The following EIF4A3 variants were observed in gnomAD, a reference collection of about 807,000 sequenced individuals.
EIF4A3 encodes the protein eukaryotic initiation factor 4A-III.
EIF4A3 carries 1 observed loss-of-function variant against 55.6 expected under a neutral mutation model. The ratio of observed to expected loss-of-function variants is 0.02; its 90% CI spans 0.01 to 0.09. EIF4A3 has a LOEUF of 0.09. Ranked by LOEUF, EIF4A3 falls within the 10% of genes least tolerant of loss-of-function variation. The pLI is 1.00. For synonymous variants in EIF4A3, 194 were observed against 196.3 expected (o/e 0.99, Z 0.10); for missense variants, 221 against 540.7 (o/e 0.41, Z 5.86).
At chr17:80,138,040 A>G (rs750167983) in intron 8 of EIF4A3, 102 bp downstream of exon 8, 213 of 1,449,526 alleles carry the variant, frequency 1.5e-4, no homozygotes, top group Non-Finnish European at 1.9e-4. Flanking sequence ...AGCTTAAAAT[A>G]TGGACAAACT....
At chr17:80,145,206 T>G (rs1026129197) in intron 1 of EIF4A3, among the ~76,000 whole-genome samples, 2 of 152,166 alleles carry the variant, frequency 1.3e-5, no homozygotes, top group Non-Finnish European at 2.9e-5. Context: ...CTGCCTGAGA[T>G]GCTTTTTCAC....
intron 2 of EIF4A3, among the ~76,000 whole-genome samples, chr17:80,142,175 ACTCT>A (rs778551637): frequency 1.3e-4 from 20 of 152,250 alleles, no homozygotes; most frequent in East Asian, 3.9e-4. Flanking sequence ...TTTTGGACTA[ACTCT>A]CTCTTCCAAA....
intron 6 of EIF4A3, chr17:80,139,458 C>T: frequency 3.2e-6 from 2 of 619,222 alleles, no homozygotes; most frequent in East Asian, 5.7e-5. Flanking sequence ...AAATAAAAAG[C>T]AATAGAGGCT....
intron 4 of EIF4A3, 104 bp from the exon 5 acceptor site, chr17:80,140,244 T>C: frequency 7.6e-7 from 1 of 1,318,420 alleles, no homozygotes; most frequent in East Asian, 2.7e-5. Flanking sequence ...GATTATTATT[T>C]ATGCCATTAT....
chr17:80,142,003 C>A (rs2039622643), intron 2 of EIF4A3, among the ~76,000 whole-genome samples, 155 bp from the exon 3 acceptor site: 1 of 152,162 alleles, frequency 6.6e-6, no homozygotes, highest in African/African-American at 2.4e-5. Context: ...GGACTCGGGC[C>A]CAGTGTCACA....
intron 6 of EIF4A3, 169 bp from the exon 7 acceptor site, chr17:80,139,331 C>T (rs2039599330): frequency 5.9e-6 from 5 of 847,234 alleles, no homozygotes; most frequent in Non-Finnish European, 8.8e-6. Context: ...TCTCTCCGTC[C>T]CTACTCCCCG....
chr17:80,135,738 A>C (rs1908265556), intron 11 of EIF4A3: 1 of 610,826 alleles, frequency 1.6e-6, no homozygotes, highest in Admixed American at 3.2e-5. Context: ...TCTACTAAAA[A>C]TACAAAAATT....
In EIF4A3 at chr17:80,138,481, T is replaced by G. The variant is rs531093579; in HGVS notation, c.729-201A>C. ...TCCATTCTGTATCCTACTTAACATT[T>G]CACAATGTGCACCACATGGAATACG... On this transcript the variant is annotated intron_variant, in intron 7 of 11. Coordinates refer to ENST00000649764, the MANE Select transcript of EIF4A3 (RefSeq NM_014740.4). 6.8e-4 allele frequency: 385 copies of G among 569,780 alleles called. 2 individuals are homozygous for G. Among genetic ancestry groups the G allele is most frequent in the Non-Finnish European group, 1.1e-3 (347 of 320,112 alleles). 35.3% of individuals were successfully genotyped at this position (569,780 alleles called of 1,614,324 possible).
chr17:80,141,755 C>G, intron 3 of EIF4A3, 27 bp downstream of exon 3: 1 of 1,586,646 alleles, frequency 6.3e-7, no homozygotes, highest in Non-Finnish European at 8.7e-7. Flanking sequence ...AATTACATAA[C>G]AGTTTGTTTT....
At chr17:80,139,222 G>T in intron 6 of EIF4A3, 60 bp from the exon 7 acceptor site, 1 of 1,596,144 alleles carries the variant, frequency 6.3e-7, no homozygotes, top group South Asian at 1.1e-5. Flanking sequence ...GAAATGGAAG[G>T]TGCACGCCCA....
chr17:80,144,782 G>A (rs1286965346), intron 1 of EIF4A3, among the ~76,000 whole-genome samples: 5 of 152,186 alleles, frequency 3.3e-5, no homozygotes, highest in African/African-American at 4.8e-5. Flanking sequence ...TTTAACCTGC[G>A]TGGGTCACGC....
Position 80,135,356 on chromosome 17 carries a change from AG to A in EIF4A3, c.*133del, listed in dbSNP as rs2039561876. ...AGCAGAATCCCCATATCCTCTTCAA[AG>A]GAAGGGAGACGGCAGGCCATTTATG... On this transcript the variant is annotated 3_prime_UTR_variant, in exon 12 of 12. Transcript: ENST00000649764. 6.4e-6 allele frequency: 6 copies of A among 934,682 alleles called. No individual in the cohort carries two copies. The highest frequency in any genetic ancestry group is 5.7e-4 in the Middle Eastern group (2 of 3,508). 57.9% of individuals were successfully genotyped at this position (934,682 alleles called of 1,614,324 possible). A position where few individuals can be genotyped will look rare whatever the true frequency, so the allele number is the denominator to read the frequency against.
intron 1 of EIF4A3, 142 bp from the exon 2 acceptor site, chr17:80,144,386 A>C: frequency 1.4e-6 from 1 of 690,810 alleles, no homozygotes; most frequent in Admixed American, 2.3e-5. Context: ...CAAGCTCTCA[A>C]AACCCAGGGG....
At chr17:80,143,127 G>C (rs1190200785) in intron 2 of EIF4A3, among the ~76,000 whole-genome samples, 1 of 152,100 alleles carries the variant, frequency 6.6e-6, no homozygotes, top group Non-Finnish European at 1.5e-5. Context: ...AAAGAATGCT[G>C]ACCTCATGGA....
At chr17:80,139,584 G>C in intron 6 of EIF4A3, 86 bp downstream of exon 6, 1 of 1,191,308 alleles carries the variant, frequency 8.4e-7, no homozygotes, top group South Asian at 1.4e-5. Context: ...ATTCAGAACA[G>C]TCACTGGCTG....
At chr17:80,146,454 G>C (rs978009904) in intron 1 of EIF4A3, among the ~76,000 whole-genome samples, 14 of 152,166 alleles carry the variant, frequency 9.2e-5, no homozygotes, top group African/African-American at 3.4e-4. Context: ...AAACCCTTCC[G>C]GTTTACCGCC....
At chr17:80,146,756 CGCCCCCGGCTG>C in intron 1 of EIF4A3, 26 bp downstream of exon 1, 3 of 1,591,640 alleles carry the variant, frequency 1.9e-6, no homozygotes, top group Non-Finnish European at 2.6e-6. Context: ...GCCCCCGACT[CGCCCCCGGCTG>C]GCCCCCGCGG....
intron 9 of EIF4A3, 175 bp from the exon 10 acceptor site, chr17:80,136,510 C>G: frequency 5.0e-6 from 3 of 601,170 alleles, no homozygotes; most frequent in Non-Finnish European, 8.8e-6. Flanking sequence ...CCAGAAACCC[C>G]TGTGCAGAGG....
chr17:80,136,340 A>C lies in EIF4A3; in HGVS notation c.984-5T>G, dbSNP rs778023655. The C allele has an allele frequency of 6.2e-7, 1 of 1,609,702 alleles. No homozygotes were observed. Among genetic ancestry groups the C allele is most frequent in the Admixed American group, 1.7e-5 (1 of 59,648 alleles). On this transcript the variant is annotated splice_region_variant and splice_polypyrimidine_tract_variant and intron_variant, in intron 9 of 11. Coordinates refer to ENST00000649764, the MANE Select transcript of EIF4A3 (RefSeq NM_014740.4). ...TCTGTAGAAATAAGCACTCGGCTGC[A>C]AAAAGAAAGAGTGTTTGAGGCGATT... is the stretch of plus-strand genomic sequence containing the variant.
Sources: allele counts gnomAD v4.1 joint callset (sites outside exome capture counted in the v4.1 genomes callset), GRCh38; gene constraint gnomAD v4.1.1; transcripts MANE v1.5; gene names NCBI Gene and HGNC (gene_info 2026-07-23, HGNC 2026-07-21).